Variants in ZFPM2 observed in about 807,000 individuals in gnomAD.
The protein encoded by ZFPM2 is zinc finger protein ZFPM2.
In ZFPM2, 20 loss-of-function variants were observed where a neutral mutation model predicts 98.6. The ratio of observed to expected loss-of-function variants is 0.20; its 90% CI spans 0.14 to 0.29. The LOEUF is 0.29. Ranked by LOEUF, ZFPM2 falls within the 10% of genes least tolerant of loss-of-function variation. The pLI is 1.00. For synonymous variants in ZFPM2, 518 were observed against 502.7 expected, an observed-to-expected ratio of 1.03 and a Z score of -0.41; for missense variants, 1,310 against 1,388.6, an observed-to-expected ratio of 0.94 and a Z score of 0.90.
At chr8:105,629,682 T>C (rs1418554624) in intron 4 of ZFPM2, among the ~76,000 whole-genome samples, 1 of 152,158 alleles carries the variant, frequency 6.6e-6, no homozygotes, top group Non-Finnish European at 1.5e-5. Flanking sequence ...TGCAGATTGT[T>C]GGCAACATTT....
At chr8:105,530,015 C>T (rs542697495) in intron 3 of ZFPM2, among the ~76,000 whole-genome samples, 1 of 152,196 alleles carries the variant, frequency 6.6e-6, no homozygotes, top group East Asian at 1.9e-4. Context: ...ATTCATATAC[C>T]TATGAATATA....
chr8:105,675,969 G>A (rs1810446997), intron 5 of ZFPM2: 1 of 152,116 alleles, frequency 6.6e-6, no homozygotes. Flanking sequence ...TCAAATACAG[G>A]TTTCCGTGGC....
At chr8:105,409,171 AG>A (rs1196857972) in intron 1 of ZFPM2, among the ~76,000 whole-genome samples, 6 of 151,834 alleles carry the variant, frequency 4.0e-5, no homozygotes, top group African/African-American at 7.2e-5. Flanking sequence ...GAGGGGATGA[AG>A]AGAATGCTTT....
intron 3 of ZFPM2, among the ~76,000 whole-genome samples, chr8:105,510,581 C>T (rs1200440392): frequency 6.6e-6 from 1 of 152,102 alleles, no homozygotes; most frequent in Non-Finnish European, 1.5e-5. Context: ...CTCCCCCCTT[C>T]CCTAATTCAC....
At chr8:105,366,530 T>A (rs887707782) in intron 1 of ZFPM2, among the ~76,000 whole-genome samples, 1 of 151,880 alleles carries the variant, frequency 6.6e-6, no homozygotes, top group Non-Finnish European at 1.5e-5. Context: ...TATTATTTTT[T>A]AATTATACTT....
intron 4 of ZFPM2, among the ~76,000 whole-genome samples, chr8:105,602,471 C>A (rs141400473): frequency 5.3e-5 from 8 of 152,204 alleles, no homozygotes; most frequent in African/African-American, 1.9e-4. Flanking sequence ...ATGTTCCCTA[C>A]CTGACCTTCT....
intron 5 of ZFPM2, among the ~76,000 whole-genome samples, chr8:105,697,834 T>C (rs1435282447): frequency 6.6e-6 from 1 of 152,182 alleles, no homozygotes; most frequent in Non-Finnish European, 1.5e-5. Flanking sequence ...TCCCTGCTGG[T>C]GTTAACTGTT....
intron 2 of ZFPM2, among the ~76,000 whole-genome samples, chr8:105,425,925 T>A (rs1434075572): frequency 6.6e-6 from 1 of 152,228 alleles, no homozygotes; most frequent in Non-Finnish European, 1.5e-5. Flanking sequence ...ATGTCAAACA[T>A]CATAGTATTT....
chr8:105,419,103 C>G, intron 1 of ZFPM2, 41 bp from the exon 2 acceptor site: 7 of 1,590,986 alleles, frequency 4.4e-6, no homozygotes, highest in Non-Finnish European at 6.0e-6. Context: ...CACTGTCTTC[C>G]TTGCATATTT....
chr8:105,515,053 G>A (rs1813891712), intron 3 of ZFPM2, among the ~76,000 whole-genome samples: 1 of 152,064 alleles, frequency 6.6e-6, no homozygotes, highest in African/African-American at 2.4e-5. Flanking sequence ...TTAGTAACTC[G>A]GGAAGCTTTA....
chr8:105,511,224 C>T (rs1451694540), intron 3 of ZFPM2, among the ~76,000 whole-genome samples: 1 of 152,266 alleles, frequency 6.6e-6, no homozygotes, highest in East Asian at 1.9e-4. Flanking sequence ...GCTCCTTGCT[C>T]TGCCAGGTGC....
chr8:105,566,131 C>T (rs1815238737), intron 4 of ZFPM2, among the ~76,000 whole-genome samples: 1 of 152,028 alleles, frequency 6.6e-6, no homozygotes, highest in African/African-American at 2.4e-5. Flanking sequence ...CTGTTTTACC[C>T]AGAGTTCACT....
chr8:105,574,431 G>T (rs1440290359), intron 4 of ZFPM2, among the ~76,000 whole-genome samples: 2 of 152,138 alleles, frequency 1.3e-5, no homozygotes, highest in African/African-American at 4.8e-5. Flanking sequence ...GCATTTCTCA[G>T]GTGTGTGATT....
chr8:105,581,938 G>T (rs949309246), intron 4 of ZFPM2, among the ~76,000 whole-genome samples: 1 of 152,134 alleles, frequency 6.6e-6, no homozygotes, highest in African/African-American at 2.4e-5. Context: ...AACCTATTCT[G>T]TTTAACTCTG....
At chr8:105,625,301 T>C (rs1270153184) in intron 4 of ZFPM2, among the ~76,000 whole-genome samples, 1 of 152,114 alleles carries the variant, frequency 6.6e-6, no homozygotes. Flanking sequence ...AGTTTTGTTA[T>C]TTCCCAAACA....
chr8:105,371,257 G>A (rs772973211), intron 1 of ZFPM2, among the ~76,000 whole-genome samples: 11 of 152,136 alleles, frequency 7.2e-5, no homozygotes, highest in Non-Finnish European at 1.5e-4. Flanking sequence ...GAAAAAGATA[G>A]GAAATTGAGT....
chr8:105,632,935 T>G (rs1347557249), intron 4 of ZFPM2, among the ~76,000 whole-genome samples: 3 of 152,214 alleles, frequency 2.0e-5, no homozygotes, highest in Non-Finnish European at 4.4e-5. Context: ...CCATCATGGT[T>G]GATTTTTCCA....
chr8:105,619,353 G>T (rs547942886), intron 4 of ZFPM2, among the ~76,000 whole-genome samples: 2 of 151,942 alleles, frequency 1.3e-5, no homozygotes, highest in East Asian at 3.9e-4. Flanking sequence ...GACAATCTAC[G>T]TATATGTCAT....
At chr8:105,515,416 C>T (rs1265823083) in intron 3 of ZFPM2, among the ~76,000 whole-genome samples, 1 of 152,152 alleles carries the variant, frequency 6.6e-6, no homozygotes, top group Non-Finnish European at 1.5e-5. Flanking sequence ...CTCACTTGAT[C>T]TTCACTACCC....
Sources: gnomAD v4.1 joint callset for allele counts (sites outside exome capture counted in the v4.1 genomes callset) on GRCh38, gnomAD v4.1.1 for gene constraint, MANE v1.5 for transcripts, NCBI Gene and HGNC (gene_info 2026-07-23, HGNC 2026-07-21) for gene names.